EYA1: variants seen among roughly 807,000 people sequenced by gnomAD.
EYA1 encodes the protein protein phosphatase EYA1.
EYA1 carries 16 observed loss-of-function variants against 82.0 expected under a neutral mutation model. The ratio of observed to expected loss-of-function variants is 0.20; its 90% CI spans 0.13 to 0.30. The LOEUF (loss-of-function observed/expected upper bound fraction) is 0.30. Ranked by LOEUF, EYA1 falls within the 10% of genes least tolerant of loss-of-function variation. The pLI is 1.00. For missense variants in EYA1, 633 were observed against 730.7 expected (o/e 0.87, Z 1.54); for synonymous variants, 261 against 264.4 (o/e 0.99, Z 0.12).
intron 7 of EYA1, among the ~76,000 whole-genome samples, chr8:71,301,875 C>G (rs917602470): frequency 6.6e-6 from 1 of 151,608 alleles, no homozygotes; most frequent in Admixed American, 6.6e-5. Flanking sequence ...TAAGACATAG[C>G]CTCAGACCTC....
At chr8:71,221,453 G>C (rs1003255289) in intron 12 of EYA1, among the ~76,000 whole-genome samples, 1 of 152,202 alleles carries the variant, frequency 6.6e-6, no homozygotes. Context: ...GAGTTGGAAA[G>C]GGATCAAGAC....
At chr8:71,351,977 C>T (rs941627399) in intron 3 of EYA1, among the ~76,000 whole-genome samples, 28 of 152,210 alleles carry the variant, frequency 1.8e-4, no homozygotes, top group African/African-American at 5.5e-4. Flanking sequence ...TTCTATTGGG[C>T]TGAGATGATT....
chr8:71,297,764 A>G (rs1011453434), intron 9 of EYA1, among the ~76,000 whole-genome samples: 5 of 152,186 alleles, frequency 3.3e-5, no homozygotes, highest in African/African-American at 1.2e-4. Context: ...CATTATATAG[A>G]TGTGAAATCT....
At chr8:71,424,619 G>T (rs1375944444) in intron 2 of EYA1, among the ~76,000 whole-genome samples, 4 of 152,162 alleles carry the variant, frequency 2.6e-5, no homozygotes, top group Non-Finnish European at 5.9e-5. Flanking sequence ...TGGCAAAACT[G>T]GTGAATGTCA....
At chr8:71,387,566 A>T (rs954382673) in intron 2 of EYA1, among the ~76,000 whole-genome samples, 4 of 152,136 alleles carry the variant, frequency 2.6e-5, no homozygotes, top group Admixed American at 6.6e-5. Context: ...AATTATTGGA[A>T]CAGAATGATT....
At chr8:71,215,834 T>C (rs1809127437) in intron 14 of EYA1, 106 bp from the exon 15 acceptor site, 37 of 751,372 alleles carry the variant, frequency 4.9e-5, no homozygotes, top group Non-Finnish European at 8.3e-5. Flanking sequence ...GCCTCCAGAT[T>C]TATAGTATAC....
At chr8:71,271,931 T>C in intron 9 of EYA1, 34 bp from the exon 10 acceptor site, 1 of 1,613,578 alleles carries the variant, frequency 6.2e-7, no homozygotes, top group South Asian at 1.1e-5. Flanking sequence ...TCATCTTTTA[T>C]TTCCATCACC....
At position 71,361,708 on chromosome 8, in the gene EYA1, AACCTCC is replaced by A; in HGVS notation, c.-122_-117del. ...TTCCTTCGAATTTTCTGGGTTAGCA[AACCTCC>A]ATTCCTGACATAGTTTTGCTCCTGG... On this transcript the variant is annotated 5_prime_UTR_variant, in exon 1 of 18. The change abolishes an upstream ATG in the 5' untranslated region. Coordinates refer to ENST00000340726, the MANE Select transcript of EYA1 (RefSeq NM_000503.6). The A allele has an allele frequency of 6.1e-6, 6 of 985,472 alleles. No homozygotes were observed. The highest frequency in any genetic ancestry group is 7.2e-6 in the Non-Finnish European group (6 of 829,966). The allele number at this position is 985,472 out of a possible 1,614,324, so 61.0% of individuals were successfully genotyped here.
chr8:71,437,008 T>A (rs1806058412), intron 2 of EYA1, among the ~76,000 whole-genome samples: 1 of 151,092 alleles, frequency 6.6e-6, no homozygotes, highest in Admixed American at 6.6e-5. Context: ...AAGTAGGACA[T>A]GCATGCTTTT....
chr8:71,304,506 C>T (rs148091333), intron 7 of EYA1, among the ~76,000 whole-genome samples: 6 of 142,824 alleles, frequency 4.2e-5, no homozygotes, highest in African/African-American at 1.5e-4. Flanking sequence ...TCTTCCTAGG[C>T]AAATACCTGG....
chr8:71,471,819 C>T (rs572648298), intron 2 of EYA1, among the ~76,000 whole-genome samples: 8 of 152,150 alleles, frequency 5.3e-5, no homozygotes, highest in South Asian at 2.1e-4. Context: ...GGCATACTTG[C>T]GGTTATCAAA....
intron 2 of EYA1, among the ~76,000 whole-genome samples, chr8:71,507,418 A>G (rs1812272617): frequency 6.6e-6 from 1 of 152,216 alleles, no homozygotes; most frequent in Admixed American, 6.5e-5. Context: ...ATTTTCTAAC[A>G]AACTGTCTTG....
At chr8:71,546,192 G>A (rs1316799810) in intron 1 of EYA1, among the ~76,000 whole-genome samples, 2 of 152,174 alleles carry the variant, frequency 1.3e-5, no homozygotes, top group Non-Finnish European at 2.9e-5. Context: ...CCGCCAGGAA[G>A]CCTTGCACAC....
At chr8:71,210,990 A>C (rs1808435228) in intron 17 of EYA1, among the ~76,000 whole-genome samples, 166 bp downstream of exon 17, 1 of 152,222 alleles carries the variant, frequency 6.6e-6, no homozygotes, top group Non-Finnish European at 1.5e-5. Flanking sequence ...ATTCAGAAAG[A>C]TCACTCCATA....
At chr8:71,231,788 A>C (rs953575405) in intron 12 of EYA1, among the ~76,000 whole-genome samples, 1 of 152,232 alleles carries the variant, frequency 6.6e-6, no homozygotes, top group African/African-American at 2.4e-5. Context: ...TTACAACAAC[A>C]TGTCTTTCTG....
At chr8:71,362,136 C>A, upstream of EYA1, 3 of 949,228 alleles carry the variant, frequency 3.2e-6, no homozygotes, top group Non-Finnish European at 3.7e-6. Context: ...TAGGTCTGCC[C>A]ATGGAGCCTC....
intron 3 of EYA1, among the ~76,000 whole-genome samples, chr8:71,347,590 T>C (rs1342370542): frequency 6.6e-6 from 1 of 152,050 alleles, no homozygotes; most frequent in Non-Finnish European, 1.5e-5. Flanking sequence ...CCAAAGTGCC[T>C]AAAGATTGTT....
chr8:71,247,129 C>G (rs977658307), intron 11 of EYA1, among the ~76,000 whole-genome samples: 1 of 151,840 alleles, frequency 6.6e-6, no homozygotes, highest in South Asian at 2.1e-4. Flanking sequence ...GCTCACTTCC[C>G]TCTAGCACCT....
At chr8:71,331,830 A>G (rs112368927) in intron 4 of EYA1, among the ~76,000 whole-genome samples, 1 of 152,012 alleles carries the variant, frequency 6.6e-6, no homozygotes, top group Non-Finnish European at 1.5e-5. Context: ...CCAGTTCAAC[A>G]CTATTGCTTT....
Sources: gnomAD v4.1 joint callset for allele counts (sites outside exome capture counted in the v4.1 genomes callset) on GRCh38, gnomAD v4.1.1 for gene constraint, MANE v1.5 for transcripts, NCBI Gene and HGNC (gene_info 2026-07-23, HGNC 2026-07-21) for gene names.